MEOX1: variants seen among roughly 807,000 people sequenced by gnomAD.
The protein encoded by MEOX1 is mesenchyme homeobox 1, also known as homeobox protein MOX-1.
A neutral mutation model predicts 23.2 loss-of-function variants in MEOX1; 17 were observed. The ratio of observed to expected loss-of-function variants is 0.73; its 90% CI spans 0.50 to 1.10. The LOEUF (loss-of-function observed/expected upper bound fraction) is 1.10, where lower values mean the gene tolerates loss of function less well. Ranked by LOEUF, MEOX1 falls within the 50% of genes least tolerant of loss-of-function variation. MEOX1 has a pLI of 0.00. For missense variants in MEOX1, 333 were observed against 332.2 expected (o/e 1.00, Z -0.02); for synonymous variants, 134 against 135.1 (o/e 0.99, Z 0.06).
Position 43,641,992 on chromosome 17 carries a change from C to G in MEOX1, c.683G>C (p.Arg228Pro). ...WFQNRRMKWK[R>P]VKGGQPISPN... ...GGAGATGGGCTGACCTCCCTTCACA[C>G]GCTTCCACTTCATCCTTCGGTTCTG... is the stretch of plus-strand genomic sequence containing the variant. Residue 228 changes from arginine to proline, a missense_variant, in exon 3 of 3, where the codon CGT becomes CCT. Coordinates refer to ENST00000318579, the MANE Select transcript of MEOX1 (RefSeq NM_004527.4). 1.1e-5 allele frequency: 17 copies of G among 1,614,054 alleles called. No individual in the cohort carries two copies. The highest frequency in any genetic ancestry group is 1.4e-5 in the Non-Finnish European group (17 of 1,179,972).
chr17:43,649,943 G>A (rs1972886551), intron 1 of MEOX1, among the ~76,000 whole-genome samples: 1 of 152,166 alleles, frequency 6.6e-6, no homozygotes, highest in African/African-American at 2.4e-5. Context: ...TTCATATGTA[G>A]CTGCCACATT....
chr17:43,658,068 C>T (rs1034776301), intron 1 of MEOX1, among the ~76,000 whole-genome samples: 3 of 152,180 alleles, frequency 2.0e-5, no homozygotes, highest in Non-Finnish European at 2.9e-5. Flanking sequence ...CAAAAGTTGC[C>T]GTGCTGACAC....
At chr17:43,651,187 C>T (rs796900504) in intron 1 of MEOX1, among the ~76,000 whole-genome samples, 3 of 151,918 alleles carry the variant, frequency 2.0e-5, no homozygotes, top group South Asian at 4.2e-4. Context: ...GGTGTGGTGG[C>T]GGGTGCCTGT....
intron 1 of MEOX1, 39 bp from the exon 2 acceptor site, chr17:43,643,699 AG>A (rs765853797): frequency 3.8e-6 from 6 of 1,566,378 alleles, no homozygotes; most frequent in Non-Finnish European, 3.5e-6. Context: ...ACATGGGCTG[AG>A]GGAGACTCCA....
intron 1 of MEOX1, among the ~76,000 whole-genome samples, chr17:43,644,568 C>T (rs146245572): frequency 6.6e-6 from 1 of 152,274 alleles, no homozygotes; most frequent in Non-Finnish European, 1.5e-5. Context: ...TTTATTCAGC[C>T]AGGGGGTGTG....
chr17:43,644,651 G>A (rs906157672), intron 1 of MEOX1, among the ~76,000 whole-genome samples: 1 of 152,208 alleles, frequency 6.6e-6, no homozygotes, highest in South Asian at 2.1e-4. Flanking sequence ...GGGGCCAGGC[G>A]CGGTGGCTCA....
Position 43,656,493 on chromosome 17 carries a change from T to C in MEOX1, c.469+4573A>G. Among the ~76,000 whole-genome samples, 2 of 151,766 alleles carry C rather than the reference T, an allele frequency of 1.3e-5. 1 individual carries two copies. The highest frequency in any genetic ancestry group is 3.9e-4 in the East Asian group (2 of 5,150). Reference sequence around the variant, plus strand: ...GTGGAGTTTTATACCTTAGGCAAATTTGTGGTTGGGCGGAGGCAGGCATAG... The same window carrying C: ...GTGGAGTTTTATACCTTAGGCAAATCTGTGGTTGGGCGGAGGCAGGCATAG... On this transcript the variant is annotated intron_variant, in intron 1 of 2. Coordinates refer to ENST00000318579, the MANE Select transcript of MEOX1 (RefSeq NM_004527.4).
At chr17:43,644,694 T>G (rs953886137) in intron 1 of MEOX1, among the ~76,000 whole-genome samples, 1 of 151,946 alleles carries the variant, frequency 6.6e-6, no homozygotes, top group Non-Finnish European at 1.5e-5. Context: ...GGCGGGCGGA[T>G]CACGAGGTCA....
At chr17:43,642,908 A>C (rs1426653165) in intron 2 of MEOX1, among the ~76,000 whole-genome samples, 1 of 152,242 alleles carries the variant, frequency 6.6e-6, no homozygotes, top group African/African-American at 2.4e-5. Flanking sequence ...ACCTAGCTGC[A>C]TGTGAGAATC....
At chr17:43,655,660 TAAAAAAAAAAAAAA>T (rs57762377) in intron 1 of MEOX1, among the ~76,000 whole-genome samples, 2 of 75,616 alleles carry the variant, frequency 2.6e-5, no homozygotes, top group South Asian at 1.1e-3. Context: ...CCTGTCTTTC[TAAAAAAAAAAAAAA>T]AAAAAAAAAA....
At chr17:43,660,647 TGAA>T (rs1973118991) in intron 1 of MEOX1, among the ~76,000 whole-genome samples, 1 of 152,180 alleles carries the variant, frequency 6.6e-6, no homozygotes, top group Non-Finnish European at 1.5e-5. Context: ...TAACCTCAGC[TGAA>T]CTTCCCTGGT....
At chr17:43,644,650 C>A (rs976823498) in intron 1 of MEOX1, among the ~76,000 whole-genome samples, 3 of 152,164 alleles carry the variant, frequency 2.0e-5, no homozygotes, top group Non-Finnish European at 4.4e-5. Context: ...AGGGGCCAGG[C>A]GCGGTGGCTC....
At chr17:43,654,602 T>C (rs144510948) in intron 1 of MEOX1, among the ~76,000 whole-genome samples, 3,349 of 152,194 alleles carry the variant, frequency 0.022, 113 homozygotes, top group African/African-American at 0.076. Context: ...AGGAGGATTG[T>C]TTGAGGCCAA....
Position 43,641,842 on chromosome 17 carries a change from G to T in MEOX1, c.*68C>A. On this transcript the variant is annotated 3_prime_UTR_variant, in exon 3 of 3. Coordinates refer to ENST00000318579, the MANE Select transcript of MEOX1 (RefSeq NM_004527.4). ...TGGCTGGGGAAGGAAGAGGGTGAAG[G>T]TGGGATTGGGGTGGGGGTAGTTGGG... 6.6e-7 allele frequency: 1 copy of T among 1,508,462 alleles called. No individual in the cohort carries two copies. The highest frequency in any genetic ancestry group is 9.0e-7 in the Non-Finnish European group (1 of 1,116,740). The allele number at this position is 1,508,462 out of a possible 1,614,324, so 93.4% of individuals were successfully genotyped here. A position where few individuals can be genotyped will look rare whatever the true frequency, so the allele number is the denominator to read the frequency against.
rs1048745512 is a variant in MEOX1 at position 43,661,604 on chromosome 17, A to T, written c.-70T>A. ...TTATACTTTTTATGTTCAAATTTTT[A>T]AAAATGCAAAAGAAAAAAAACTAAA... On this transcript the variant is annotated 5_prime_UTR_variant, in exon 1 of 3. Transcript: ENST00000318579. 23 of 981,550 alleles carry T rather than the reference A, an allele frequency of 2.3e-5. No individual in the cohort carries two copies. Among genetic ancestry groups the T allele is most frequent in the Non-Finnish European group, 3.2e-5 (23 of 728,568 alleles). 60.8% of individuals were successfully genotyped at this position (981,550 alleles called of 1,614,324 possible).
chr17:43,657,054 C>T (rs1973042109), intron 1 of MEOX1, among the ~76,000 whole-genome samples: 2 of 132,536 alleles, frequency 1.5e-5, no homozygotes, highest in Non-Finnish European at 3.3e-5. Flanking sequence ...TTCTTTCTTT[C>T]TTTCCTTCCT....
chr17:43,652,480 T>A (rs2154588911), intron 1 of MEOX1, among the ~76,000 whole-genome samples: 1 of 152,272 alleles, frequency 6.6e-6, no homozygotes, highest in South Asian at 2.1e-4. Flanking sequence ...GGTTACCAAG[T>A]GTTGGCTGTG....
chr17:43,646,584 G>A (rs1972818668), intron 1 of MEOX1, among the ~76,000 whole-genome samples: 1 of 148,340 alleles, frequency 6.7e-6, no homozygotes, highest in Admixed American at 6.9e-5. Context: ...GCCTCTCTGG[G>A]CGTCAGTCTC....
chr17:43,648,493 A>C (rs1263381970), intron 1 of MEOX1, among the ~76,000 whole-genome samples: 1 of 151,828 alleles, frequency 6.6e-6, no homozygotes, highest in African/African-American at 2.4e-5. Context: ...AGAAAAGAAA[A>C]AGAAACTAAC....
Sources: allele counts gnomAD v4.1 joint callset (sites outside exome capture counted in the v4.1 genomes callset), GRCh38; gene constraint gnomAD v4.1.1; transcripts MANE v1.5; gene names NCBI Gene and HGNC (gene_info 2026-07-23, HGNC 2026-07-21).